The following NAT1 variants were observed in gnomAD, a reference collection of about 807,000 sequenced individuals.
NAT1 encodes N-acetyltransferase 1, also known as arylamine N-acetyltransferase 1.
For synonymous variants in NAT1, 144 were observed against 122.6 expected (o/e 1.17, Z -1.16); for missense variants, 400 against 339.2 (o/e 1.18, Z -1.41).
intron 1 of NAT1, among the ~76,000 whole-genome samples, chr8:18,217,416 A>G (rs1804795171): frequency 6.6e-6 from 1 of 152,272 alleles, no homozygotes; most frequent in African/African-American, 2.4e-5. Context: ...GAGTAAATGT[A>G]GACTATCTTC....
intron 2 of NAT1, among the ~76,000 whole-genome samples, chr8:18,196,310 C>T (rs1227850193): frequency 1.3e-5 from 2 of 151,750 alleles, no homozygotes; most frequent in African/African-American, 4.8e-5. Context: ...GAATAAATGC[C>T]CCAAGAATAA....
chr8:18,184,318 T>C (rs1224981694), intron 2 of NAT1, among the ~76,000 whole-genome samples: 1 of 151,828 alleles, frequency 6.6e-6, no homozygotes, highest in Non-Finnish European at 1.5e-5. Flanking sequence ...TGGATCAGAG[T>C]CCTGAGACAG....
intron 2 of NAT1, among the ~76,000 whole-genome samples, chr8:18,192,973 T>C (rs1803064926): frequency 6.7e-6 from 1 of 150,212 alleles, no homozygotes; most frequent in Admixed American, 6.6e-5. Flanking sequence ...ACATGTACCC[T>C]AAAACTTAAA....
intron 2 of NAT1, among the ~76,000 whole-genome samples, chr8:18,175,755 T>A (rs1365394698): frequency 6.6e-6 from 1 of 152,096 alleles, no homozygotes; most frequent in Non-Finnish European, 1.5e-5. Flanking sequence ...GGTCATATGG[T>A]AATTATATTT....
intron 1 of NAT1, among the ~76,000 whole-genome samples, chr8:18,217,411 A>C (rs1398503595): frequency 6.6e-6 from 1 of 152,246 alleles, no homozygotes; most frequent in African/African-American, 2.4e-5. Flanking sequence ...TGGCTGAGTA[A>C]ATGTAGACTA....
intron 2 of NAT1, among the ~76,000 whole-genome samples, chr8:18,190,893 C>A (rs1263543628): frequency 1.3e-5 from 2 of 151,742 alleles, no homozygotes; most frequent in Non-Finnish European, 2.9e-5. Context: ...ACAGTGAAAC[C>A]CCATCTCTAC....
chr8:18,174,187 G>C (rs553969353), intron 2 of NAT1, among the ~76,000 whole-genome samples: 7 of 152,232 alleles, frequency 4.6e-5, no homozygotes, highest in African/African-American at 1.7e-4. Flanking sequence ...GACTAGATTA[G>C]CCACATGAAT....
At chr8:18,189,877 C>T (rs972451051) in intron 2 of NAT1, among the ~76,000 whole-genome samples, 3 of 152,160 alleles carry the variant, frequency 2.0e-5, no homozygotes, top group African/African-American at 7.2e-5. Context: ...ACAGCCTCCA[C>T]CTCCTGGGTT....
At chr8:18,173,715 CAT>C (rs1046087754) in intron 2 of NAT1, among the ~76,000 whole-genome samples, 2 of 152,114 alleles carry the variant, frequency 1.3e-5, no homozygotes, top group Admixed American at 1.3e-4. Flanking sequence ...TTATGTACCT[CAT>C]AGATTTGTTG....
chr8:18,206,485 G>C (rs1221097358), upstream of NAT1, among the ~76,000 whole-genome samples: 3 of 152,146 alleles, frequency 2.0e-5, no homozygotes, highest in Non-Finnish European at 4.4e-5. Flanking sequence ...ATCTTCACAA[G>C]GCAAAGATGC....
chr8:18,215,998 C>T (rs1450707330), intron 1 of NAT1, among the ~76,000 whole-genome samples: 3 of 152,078 alleles, frequency 2.0e-5, no homozygotes, highest in East Asian at 3.9e-4. Flanking sequence ...CGAGAAGCAC[C>T]GTTTTCATGT....
intron 1 of NAT1, among the ~76,000 whole-genome samples, chr8:18,215,142 G>A (rs1036605407): frequency 6.6e-6 from 1 of 152,096 alleles, no homozygotes; most frequent in Non-Finnish European, 1.5e-5. Flanking sequence ...ACATGATCTT[G>A]TTCTTTTTCG....
chr8:18,177,872 T>A (rs1055285977), intron 2 of NAT1, among the ~76,000 whole-genome samples: 3 of 152,128 alleles, frequency 2.0e-5, no homozygotes, highest in African/African-American at 7.2e-5. Context: ...GGGCACCTTT[T>A]ATTTAATGTA....
At chr8:18,214,757 G>A (rs753345311) in intron 1 of NAT1, among the ~76,000 whole-genome samples, 11 of 152,024 alleles carry the variant, frequency 7.2e-5, no homozygotes, top group Non-Finnish European at 1.0e-4. Context: ...TTGTGTCATG[G>A]GGGTTTGTTG....
chr8:18,208,141 G>A (rs1466859567), upstream of NAT1, among the ~76,000 whole-genome samples: 3 of 152,028 alleles, frequency 2.0e-5, no homozygotes, highest in African/African-American at 7.3e-5. Flanking sequence ...GGTATGGGGA[G>A]GGAGCGCATC....
At chr8:18,207,027 C>T (rs529818211), upstream of NAT1, among the ~76,000 whole-genome samples, 1 of 152,168 alleles carries the variant, frequency 6.6e-6, no homozygotes, top group East Asian at 1.9e-4. Context: ...AGTCTTTAAT[C>T]CATCTTGACT....
At chr8:18,211,862 CT>C (rs1195632496) in intron 1 of NAT1, among the ~76,000 whole-genome samples, 3 of 152,306 alleles carry the variant, frequency 2.0e-5, no homozygotes, top group Admixed American at 2.0e-4. Flanking sequence ...AGAAAAGCCA[CT>C]CATTGGCTCT....
At chr8:18,218,224 T>TGTCAG (rs1345066105) in intron 1 of NAT1, among the ~76,000 whole-genome samples, 2 of 152,212 alleles carry the variant, frequency 1.3e-5, no homozygotes, top group East Asian at 3.8e-4. Context: ...TGTGGTACGT[T>TGTCAG]GTCAGGACAT....
intron 2 of NAT1, among the ~76,000 whole-genome samples, chr8:18,200,672 C>T (rs570986976): frequency 5.5e-4 from 84 of 152,152 alleles, no homozygotes; most frequent in Non-Finnish European, 1.0e-3. Context: ...TGAACATACA[C>T]CCAAAACATA....
Sources: gnomAD v4.1 joint callset for allele counts (sites outside exome capture counted in the v4.1 genomes callset) on GRCh38, gnomAD v4.1.1 for gene constraint, MANE v1.5 for transcripts, NCBI Gene and HGNC (gene_info 2026-07-23, HGNC 2026-07-21) for gene names.